The following ANKRD27 variants were observed in gnomAD, a reference collection of about 807,000 sequenced individuals.
ANKRD27 encodes the protein ankyrin repeat domain-containing protein 27.
In ANKRD27, 112 loss-of-function variants were observed where a neutral mutation model predicts 129.7. The observed-to-expected ratio is 0.86, with a 90% confidence interval of 0.74 to 1.01. The LOEUF (loss-of-function observed/expected upper bound fraction) is 1.01, where lower values mean the gene tolerates loss of function less well. ANKRD27 is among the 50% of genes least tolerant of loss of function. ANKRD27 has a pLI of 0.00. For synonymous variants in ANKRD27, 516 were observed against 511.2 expected (o/e 1.01, Z -0.13); for missense variants, 1,258 against 1,300.5 (o/e 0.97, Z 0.50).
In ANKRD27 at chr19:32,628,113, G is replaced by GC. The variant is rs756222948; in HGVS notation, c.1389dup (p.His464AlafsTer96). ...ACAGCAGCCACATGGAGAGGGGTGT[G>GC]CCCCCTGTCGTCTCTGGAGAATGGA... On this transcript the variant is annotated frameshift_variant, in exon 15 of 29. Coordinates refer to ENST00000306065, the MANE Select transcript of ANKRD27 (RefSeq NM_032139.3). LOFTEE classifies it high-confidence loss of function. The GC allele has an allele frequency of 1.4e-5, 22 of 1,614,110 alleles. No homozygotes were observed. Among genetic ancestry groups the GC allele is most frequent in the Non-Finnish European group, 1.7e-5 (20 of 1,180,036 alleles).
At chr19:32,604,646 A>G (rs570181377) in intron 24 of ANKRD27, among the ~76,000 whole-genome samples, 14 of 150,204 alleles carry the variant, frequency 9.3e-5, no homozygotes, top group Non-Finnish European at 1.5e-4. Flanking sequence ...AAGCCACTTA[A>G]ATGTACAGAG....
intron 17 of ANKRD27, among the ~76,000 whole-genome samples, chr19:32,623,462 C>A (rs73928818): frequency 6.6e-6 from 1 of 151,960 alleles, no homozygotes; most frequent in Non-Finnish European, 1.5e-5. Flanking sequence ...ATGAGCTTCC[C>A]GAGTGGACCA....
intron 11 of ANKRD27, among the ~76,000 whole-genome samples, chr19:32,639,833 C>T (rs373727572): frequency 2.6e-5 from 4 of 152,174 alleles, no homozygotes; most frequent in Non-Finnish European, 5.9e-5. Flanking sequence ...GTAAGCTCTC[C>T]GGGCCTTGGT....
intron 2 of ANKRD27, among the ~76,000 whole-genome samples, chr19:32,656,678 G>A (rs1967543544): frequency 6.6e-6 from 1 of 151,970 alleles, no homozygotes; most frequent in South Asian, 2.1e-4. Context: ...CCAGCTACTT[G>A]GGAGGCTGAG....
intron 22 of ANKRD27, among the ~76,000 whole-genome samples, 156 bp downstream of exon 22, chr19:32,615,502 T>C (rs1021235451): frequency 2.4e-4 from 36 of 152,168 alleles, no homozygotes; most frequent in African/African-American, 8.7e-4. Context: ...GAGGATCATT[T>C]GAGCCCAGGC....
At chr19:32,633,928 G>T (rs150159787) in intron 12 of ANKRD27, among the ~76,000 whole-genome samples, 9,294 of 152,084 alleles carry the variant, frequency 0.061, 430 homozygotes, top group African/African-American at 0.13. Flanking sequence ...CACCCAGGAG[G>T]CTGAGGCAGG....
intron 1 of ANKRD27, among the ~76,000 whole-genome samples, chr19:32,665,134 A>G (rs114504455): frequency 1.8e-4 from 27 of 152,106 alleles, no homozygotes; most frequent in African/African-American, 6.5e-4. Flanking sequence ...CAGCTTCATA[A>G]TAAGCCTTAC....
chr19:32,641,767 CT>C (rs757141453), intron 10 of ANKRD27, among the ~76,000 whole-genome samples: 16 of 21,222 alleles, frequency 7.5e-4, no homozygotes, highest in South Asian at 4.1e-3. Context: ...TTTACTTCTT[CT>C]TTTTTTTTTT....
At chr19:32,656,111 A>AAAGAAAGAAAGAAAGAAAG (rs1568417831) in intron 2 of ANKRD27, among the ~76,000 whole-genome samples, 2 of 111,370 alleles carry the variant, frequency 1.8e-5, no homozygotes, top group African/African-American at 7.0e-5. Context: ...AAGAAAGAAA[A>AAAGAAAGAAAGAAAGAAAG]GAAAAGAAAA....
At chr19:32,647,586 T>A (rs1386326789) in intron 3 of ANKRD27, among the ~76,000 whole-genome samples, 1 of 152,210 alleles carries the variant, frequency 6.6e-6, no homozygotes, top group African/African-American at 2.4e-5. Context: ...CTGAGGTTTG[T>A]GGCGCTGTGA....
At chr19:32,609,123 A>C (rs1971796161) in intron 22 of ANKRD27, among the ~76,000 whole-genome samples, 1 of 141,654 alleles carries the variant, frequency 7.1e-6, no homozygotes, top group Non-Finnish European at 1.5e-5. Context: ...AAAAAAAAAA[A>C]GTCAAAATAC....
intron 2 of ANKRD27, chr19:32,655,150 G>A (rs1228246247): frequency 6.6e-6 from 1 of 152,302 alleles, no homozygotes; most frequent in Non-Finnish European, 1.5e-5. Context: ...GCAACATGGT[G>A]GTCCCCCATT....
rs529259991 is a variant in ANKRD27 at position 32,604,153 on chromosome 19, C to T, written c.2655+110G>A. 3.4e-4 allele frequency: 439 copies of T among 1,280,262 alleles called. 1 individual carries two copies. The highest frequency in any genetic ancestry group is 4.3e-4 in the Non-Finnish European group (414 of 958,756). 79.3% of individuals were successfully genotyped at this position (1,280,262 alleles called of 1,614,324 possible). A position where few individuals can be genotyped will look rare whatever the true frequency, so the allele number is the denominator to read the frequency against. ...GGCACACCAACTACGCCCAGCCCGGCGATGCCAAGGGCCAGGTGTTGCTAT... is the reference window on the plus strand; with the variant it reads ...GGCACACCAACTACGCCCAGCCCGGTGATGCCAAGGGCCAGGTGTTGCTAT... On this transcript the variant is annotated intron_variant, in intron 25 of 28. Coordinates refer to ENST00000306065, the MANE Select transcript of ANKRD27 (RefSeq NM_032139.3).
chr19:32,610,267 G>A (rs910362878), intron 22 of ANKRD27, among the ~76,000 whole-genome samples: 14 of 151,402 alleles, frequency 9.2e-5, no homozygotes, highest in South Asian at 6.3e-4. Flanking sequence ...CCGAGATGGC[G>A]CCACTGCACT....
intron 23 of ANKRD27, 79 bp downstream of exon 23, chr19:32,607,556 C>T: frequency 1.3e-6 from 2 of 1,518,268 alleles, no homozygotes; most frequent in Non-Finnish European, 1.8e-6. Flanking sequence ...CACCAAACCC[C>T]TGCAGCGTTC....
intron 12 of ANKRD27, among the ~76,000 whole-genome samples, chr19:32,636,753 T>C (rs1375404202): frequency 6.7e-6 from 1 of 150,176 alleles, no homozygotes; most frequent in Non-Finnish European, 1.5e-5. Context: ...TTTATATATA[T>C]ATACACATAT....
chr19:32,626,567 G>A, intron 16 of ANKRD27, 145 bp downstream of exon 16: 1 of 589,994 alleles, frequency 1.7e-6, no homozygotes, highest in South Asian at 2.3e-5. Context: ...CCTGACTACT[G>A]CTGCAGCAGA....
rs757669605 is a variant in ANKRD27, at chr19:32,628,692, C to A, written c.1337+30G>T. On this transcript the variant is annotated intron_variant, in intron 14 of 28. Transcript: ENST00000306065. ...AGGAGGCCTGTCTCCTGCTTCCTGG[C>A]ACTCTGAGCCTCCACCAGCACCCTC... The A allele has an allele frequency of 1.9e-6, 3 of 1,612,550 alleles. No individual in the cohort carries two copies. In the East Asian group the frequency reaches 6.7e-5, roughly 36 times the overall value.
chr19:32,660,239 T>C (rs1967618550), intron 1 of ANKRD27, among the ~76,000 whole-genome samples: 1 of 152,218 alleles, frequency 6.6e-6, no homozygotes, highest in East Asian at 1.9e-4. Context: ...CCTTCATGAA[T>C]GAGATCAGTG....
Sources: allele counts gnomAD v4.1 joint callset (sites outside exome capture counted in the v4.1 genomes callset), GRCh38; gene constraint gnomAD v4.1.1; transcripts MANE v1.5; gene names NCBI Gene and HGNC (gene_info 2026-07-23, HGNC 2026-07-21).